The following STRIP2 variants were observed in gnomAD, a reference collection of about 807,000 sequenced individuals.
STRIP2 encodes the protein striatin-interacting protein 2.
A neutral mutation model predicts 107.1 loss-of-function variants in STRIP2; 84 were observed. The observed-to-expected ratio is 0.78, with a 90% CI of 0.66 to 0.94. The LOEUF is 0.94. Among genes scored for constraint, STRIP2 ranks in the 40% least tolerant of loss-of-function variants. The pLI, the probability that STRIP2 is intolerant of heterozygous loss-of-function variation, is 0.00. For synonymous variants in STRIP2, 394 were observed against 400.4 expected, an observed-to-expected ratio of 0.98 and a Z score of 0.19; for missense variants, 888 against 1,034.2, an observed-to-expected ratio of 0.86 and a Z score of 1.94.
intron 14 of STRIP2, 77 bp from the exon 15 acceptor site, chr7:129,463,967 C>A: frequency 9.2e-7 from 1 of 1,089,412 alleles, no homozygotes; most frequent in Non-Finnish European, 1.4e-6. Flanking sequence ...TTTTATAGGG[C>A]GGTTAGGGTG....
In STRIP2 at chr7:129,482,860, T is replaced by C; in HGVS notation, c.2068T>C (p.Ser690Pro). The C allele has an allele frequency of 2.5e-6, 4 of 1,614,112 alleles. No individual in the cohort carries two copies. The highest frequency in any genetic ancestry group is 3.4e-6 in the Non-Finnish European group (4 of 1,180,022). ...SRTMMLVVFK[S>P]APILKRALKV... ...TGAACAGATGCTGGTAGTGTTTAAATCGGCACCAATCTTAAAGCGGGCCCT... is the reference window on the plus strand; with the variant it reads ...TGAACAGATGCTGGTAGTGTTTAAACCGGCACCAATCTTAAAGCGGGCCCT... The change falls in exon 20 of 21, where the codon TCG becomes CCG. Residue 690 changes from serine to proline, a missense_variant. Ser to Pro is a moderately conservative substitution (Grantham distance 74). Coordinates refer to ENST00000249344, the MANE Select transcript of STRIP2 (RefSeq NM_020704.3).
intron 20 of STRIP2, among the ~76,000 whole-genome samples, chr7:129,485,373 A>G (rs1562291): frequency 0.22 from 33,175 of 150,968 alleles, 4,154 homozygotes; most frequent in Non-Finnish European, 0.28. Context: ...CTGCATATAC[A>G]AGCTTATGCA....
intron 2 of STRIP2, 51 bp downstream of exon 2, chr7:129,440,142 G>C: frequency 1.7e-5 from 25 of 1,492,350 alleles, no homozygotes; most frequent in Non-Finnish European, 2.2e-5. Flanking sequence ...AGGAGGAGAG[G>C]GAAGGGGCCT....
chr7:129,465,285 C>G (rs1437299513), intron 16 of STRIP2, among the ~76,000 whole-genome samples: 1 of 152,124 alleles, frequency 6.6e-6, no homozygotes, highest in Non-Finnish European at 1.5e-5. Flanking sequence ...GAAGAAATGA[C>G]TCCTAACCTG....
chr7:129,453,290 T>C lies in STRIP2; in HGVS notation c.473T>C (p.Leu158Pro). 1 of 1,614,192 alleles carries C rather than the reference T, an allele frequency of 6.2e-7. No homozygotes were observed. Among genetic ancestry groups the C allele is most frequent in the Non-Finnish European group, 8.5e-7 (1 of 1,180,026 alleles). ...VLHWSRYNCFLLYQMGTFSTF... is the reference protein window; with the variant it reads ...VLHWSRYNCFPLYQMGTFSTF... ...CACTGGTCCAGGTACAACTGCTTCCTGCTGTATCAGATGGGGACCTTCTCC... is the reference window on the plus strand; with the variant it reads ...CACTGGTCCAGGTACAACTGCTTCCCGCTGTATCAGATGGGGACCTTCTCC... The change falls in exon 5 of 21, where the codon CTG becomes CCG. Residue 158 changes from leucine (L) to proline (P), a missense_variant. By Grantham distance (98) the Leu-to-Pro change is moderately conservative (BLOSUM62 -3). Coordinates refer to ENST00000249344, the MANE Select transcript of STRIP2 (RefSeq NM_020704.3).
Position 129,446,865 on chromosome 7 carries a change from A to G in STRIP2, c.274+2767A>G, listed in dbSNP as rs370268812. On this transcript the variant is annotated intron_variant, in intron 3 of 20. Transcript: ENST00000249344. ...GACCCACTTTATGGCTTGATGGGTC[A>G]GAAAGCACTCAGTTCATGATAGGCA... 5.7e-3 allele frequency among the ~76,000 whole-genome samples: 869 copies of G among 152,358 alleles called. 8 individuals carry two copies. Among genetic ancestry groups the G allele is most frequent in the African/African-American group, 0.02 (826 of 41,592 alleles).
intron 1 of STRIP2, among the ~76,000 whole-genome samples, chr7:129,438,332 TAAAC>T (rs1442322334): frequency 2.0e-5 from 3 of 152,160 alleles, no homozygotes; most frequent in African/African-American, 7.2e-5. Flanking sequence ...ACTAGTTAAG[TAAAC>T]AAATAAATGT....
chr7:129,454,320 A>G, intron 6 of STRIP2, 101 bp from the exon 7 acceptor site: 1 of 1,462,364 alleles, frequency 6.8e-7, no homozygotes, highest in East Asian at 2.3e-5. Flanking sequence ...CCTGTAGCTA[A>G]TCTCACTGGG....
At chr7:129,463,887 G>T (rs1008474142) in intron 14 of STRIP2, among the ~76,000 whole-genome samples, 157 bp from the exon 15 acceptor site, 1 of 152,212 alleles carries the variant, frequency 6.6e-6, no homozygotes, top group African/African-American at 2.4e-5. Flanking sequence ...CTGGGCACCT[G>T]TTTGCTTTTC....
chr7:129,456,738 A>G (rs1309628327), intron 9 of STRIP2, 96 bp downstream of exon 9: 3 of 1,207,868 alleles, frequency 2.5e-6, no homozygotes, highest in African/African-American at 3.0e-5. Flanking sequence ...GCAGTAAATG[A>G]CCCGGCTCAT....
chr7:129,464,798 A>G, intron 16 of STRIP2, 60 bp downstream of exon 16: 1 of 1,606,658 alleles, frequency 6.2e-7, no homozygotes, highest in Non-Finnish European at 8.5e-7. Flanking sequence ...CTATCTCTCA[A>G]AGGAAGGATG....
Position 129,449,759 on chromosome 7 carries a change from A to G in STRIP2, c.275-1854A>G, listed in dbSNP as rs144624448. On this transcript the variant is annotated intron_variant, in intron 3 of 20. Coordinates refer to ENST00000249344, the MANE Select transcript of STRIP2 (RefSeq NM_020704.3). ...TCATTGCAGTTCAGCCATTCACATGACAAAAGCTTGTGTCTGTTTTTCCAC... is the reference window on the plus strand; with the variant it reads ...TCATTGCAGTTCAGCCATTCACATGGCAAAAGCTTGTGTCTGTTTTTCCAC... Among the ~76,000 whole-genome samples the G allele has an allele frequency of 5.8e-3, 882 of 152,328 alleles. 8 individuals are homozygous for G. Among genetic ancestry groups the G allele is most frequent in the African/African-American group, 0.02 (839 of 41,566 alleles).
At chr7:129,460,716 A>G (rs950445620) in intron 13 of STRIP2, among the ~76,000 whole-genome samples, 1 of 152,228 alleles carries the variant, frequency 6.6e-6, no homozygotes, top group South Asian at 2.1e-4. Flanking sequence ...GGATCCAGCC[A>G]TAGGAGCATC....
In STRIP2 at chr7:129,434,579, G is replaced by T; in HGVS notation, c.107G>T (p.Arg36Leu). Reference sequence around the variant, plus strand: ...GCGCCCAAGGGCCGCGAAGCGTTCCGAAGCCAGCGGCGGGAGTCAGAGGTG... The same window carrying T: ...GCGCCCAAGGGCCGCGAAGCGTTCCTAAGCCAGCGGCGGGAGTCAGAGGTG... ...QAAPKGREAF[R>L]SQRRESEGSV... Residue 36 changes from arginine to leucine, a missense_variant, in exon 1 of 21, where the codon CGA becomes CTA. Transcript: ENST00000249344. The T allele has an allele frequency of 6.6e-7, 1 of 1,514,458 alleles. No individual in the cohort carries two copies. The highest frequency in any genetic ancestry group is 1.2e-5 in the South Asian group (1 of 82,004). The allele number at this position is 1,514,458 out of a possible 1,614,324, so 93.8% of individuals were successfully genotyped here. A position where few individuals can be genotyped will look rare whatever the true frequency, so the allele number is the denominator to read the frequency against.
At chr7:129,482,374 T>C (rs1361095900) in intron 19 of STRIP2, among the ~76,000 whole-genome samples, 1 of 89,542 alleles carries the variant, frequency 1.1e-5, no homozygotes, top group African/African-American at 3.8e-5. Context: ...TATATATATA[T>C]ATATTTTTTT....
In STRIP2 at chr7:129,463,998, T is replaced by C. The variant is rs540139753; in HGVS notation, c.1552-46T>C. ...GGGTGTGGAAGAATCACTTCCTTGC[T>C]GAGTGGGTTTGACAGTGGTAAATTT... On this transcript the variant is annotated intron_variant, in intron 14 of 20. Transcript: ENST00000249344. 7.4e-6 allele frequency: 11 copies of C among 1,488,666 alleles called. No individual in the cohort carries two copies. The South Asian group carries it at 1.1e-4, about 15-fold the overall frequency. The allele number at this position is 1,488,666 out of a possible 1,614,324, so 92.2% of individuals were successfully genotyped here.
intron 16 of STRIP2, among the ~76,000 whole-genome samples, chr7:129,465,459 G>T (rs1197505747): frequency 6.6e-6 from 1 of 152,178 alleles, no homozygotes; most frequent in Non-Finnish European, 1.5e-5. Flanking sequence ...TTCTGCCTGG[G>T]GCGGGGAAAG....
rs1421873306 is a variant in STRIP2, at chr7:129,461,481, G to T, written c.1476+1109G>T. 6.6e-6 allele frequency among the ~76,000 whole-genome samples: 1 copy of T among 152,204 alleles called. No individual in the cohort carries two copies. Among genetic ancestry groups the T allele is most frequent in the Non-Finnish European group, 1.5e-5 (1 of 68,046 alleles). On this transcript the variant is annotated intron_variant, in intron 13 of 20. Transcript: ENST00000249344. This position sits in a 1 kb window ranked among gnomAD's most constrained non-coding sequence, Gnocchi z 4.0. ...GTATGTTGAGGGGGGGATGTGTCAG[G>T]AAAGGAGCCAGAAGAATATGAAAGA...
Position 129,467,424 on chromosome 7 carries a change from C to T in STRIP2, c.1851C>T (p.Ile617=). ...TCCTGAAGTTCTTCAATCAAAATAT[C>T]TTGTCATACATCACTGCCAAAAACA... ...PLILKFFNQN[I]LSYITAKNSI... Residue 617 remains isoleucine, a synonymous_variant, in exon 17 of 21, where the codon ATC becomes ATT. Transcript: ENST00000249344. 1 of 1,613,532 alleles carries T rather than the reference C, an allele frequency of 6.2e-7. No individual in the cohort carries two copies. The highest frequency in any genetic ancestry group is 8.5e-7 in the Non-Finnish European group (1 of 1,179,782).
Sources: gnomAD v4.1 joint callset for allele counts (sites outside exome capture counted in the v4.1 genomes callset) on GRCh38, gnomAD v4.1.1 for gene constraint, Gnocchi (gnomAD v3.1) non-coding constraint, MANE v1.5 for transcripts, NCBI Gene and HGNC (gene_info 2026-07-23, HGNC 2026-07-21) for gene names.